Variants in ASXL2 observed in about 807,000 individuals in gnomAD.
ASXL2 encodes the protein putative Polycomb group protein ASXL2.
A neutral mutation model predicts 122.0 loss-of-function variants in ASXL2; 23 were observed. The observed-to-expected ratio is 0.19, with a 90% CI of 0.14 to 0.27. The LOEUF (loss-of-function observed/expected upper bound fraction) is 0.27. Among genes scored for constraint, ASXL2 ranks in the 10% least tolerant of loss-of-function variants. ASXL2 has a pLI of 1.00. For synonymous variants in ASXL2, 650 were observed against 637.0 expected, an observed-to-expected ratio of 1.02 and a Z score of -0.31; for missense variants, 1,518 against 1,713.8, an observed-to-expected ratio of 0.89 and a Z score of 2.02.
chr2:25,817,912 G>A (rs751374002), intron 3 of ASXL2, among the ~76,000 whole-genome samples: 2 of 152,158 alleles, frequency 1.3e-5, no homozygotes, highest in Non-Finnish European at 2.9e-5. Context: ...AGCCAAAGAT[G>A]AAGCTGAGAA....
chr2:25,848,351 G>A (rs759258443), intron 1 of ASXL2, among the ~76,000 whole-genome samples: 65 of 152,068 alleles, frequency 4.3e-4, no homozygotes, highest in Non-Finnish European at 8.8e-4. Flanking sequence ...GGCTGGGCGC[G>A]GTGGCTCACA....
chr2:25,846,154 G>C (rs1460798280), intron 1 of ASXL2, among the ~76,000 whole-genome samples: 1 of 152,220 alleles, frequency 6.6e-6, no homozygotes, highest in Non-Finnish European at 1.5e-5. Context: ...AGTGCTCCAA[G>C]AGAAAAATAT....
chr2:25,817,786 G>C (rs550004320), intron 3 of ASXL2, among the ~76,000 whole-genome samples: 6 of 152,134 alleles, frequency 3.9e-5, no homozygotes, highest in Non-Finnish European at 8.8e-5. Flanking sequence ...ACACTGAATA[G>C]CAAGGTACTT....
At chr2:25,748,269 A>G (rs1372535165) in intron 12 of ASXL2, among the ~76,000 whole-genome samples, 1 of 151,550 alleles carries the variant, frequency 6.6e-6, no homozygotes, top group Non-Finnish European at 1.5e-5. Flanking sequence ...GAGGCAGAGG[A>G]GGGCAGATGA....
chr2:25,857,226 C>T (rs1284701053), intron 1 of ASXL2, among the ~76,000 whole-genome samples: 1 of 151,888 alleles, frequency 6.6e-6, no homozygotes, highest in East Asian at 1.9e-4. Flanking sequence ...AAAGAGAACA[C>T]AGAGAAAAAG....
intron 2 of ASXL2, among the ~76,000 whole-genome samples, chr2:25,842,907 C>T (rs1202928843): frequency 1.3e-5 from 2 of 151,348 alleles, no homozygotes; most frequent in African/African-American, 2.4e-5. Flanking sequence ...CTGCAACCTC[C>T]ACCTCCCAGG....
intron 10 of ASXL2, among the ~76,000 whole-genome samples, chr2:25,754,344 G>C (rs139306539): frequency 4.6e-5 from 7 of 152,316 alleles, no homozygotes; most frequent in Admixed American, 1.3e-4. Context: ...TTGTGGCTCA[G>C]ATAGACTGCT....
intron 3 of ASXL2, among the ~76,000 whole-genome samples, chr2:25,808,251 GACAGACTGAGGAGTGAC>G (rs1474207016): frequency 1.3e-5 from 2 of 152,190 alleles, no homozygotes; most frequent in African/African-American, 4.8e-5. Context: ...CAACATACAA[GACAGACTGAGGAGTGAC>G]ACAGTATGAA....
Position 25,790,587 on chromosome 2 carries a change from C to T in ASXL2, c.403+8798G>A, listed in dbSNP as rs535664785. 2.0e-5 allele frequency among the ~76,000 whole-genome samples: 3 copies of T among 152,122 alleles called. No homozygotes were observed. In the South Asian group the frequency reaches 6.2e-4, roughly 32 times the overall value. On this transcript the variant is annotated intron_variant, in intron 5 of 12. Transcript: ENST00000435504. ...GAAACCAATTAATGTCACCAATTAACGTCATCCTACACCAAGGAAGTATTC... is the reference window on the plus strand; with the variant it reads ...GAAACCAATTAATGTCACCAATTAATGTCATCCTACACCAAGGAAGTATTC...
intron 8 of ASXL2, among the ~76,000 whole-genome samples, chr2:25,765,381 G>A (rs369276972): frequency 2.0e-3 from 308 of 152,120 alleles, no homozygotes; most frequent in African/African-American, 7.0e-3. Context: ...AGCTACCCAG[G>A]AGGCTGAGGC....
intron 3 of ASXL2, among the ~76,000 whole-genome samples, chr2:25,809,331 T>C (rs575933725): frequency 6.6e-6 from 1 of 152,236 alleles, no homozygotes; most frequent in Admixed American, 6.5e-5. Context: ...TCCAAAGATA[T>C]CTTAAAGCTG....
chr2:25,763,107 C>T (rs1017172174), intron 8 of ASXL2, among the ~76,000 whole-genome samples: 5 of 151,936 alleles, frequency 3.3e-5, no homozygotes, highest in Admixed American at 6.6e-5. Context: ...CTGGACAAAC[C>T]CACCATTTGG....
intron 3 of ASXL2, chr2:25,810,208 A>G: frequency 1.7e-6 from 1 of 594,772 alleles, no homozygotes. Context: ...ATCTCTCGGC[A>G]ATGGGACACT....
rs552316898 is a variant in ASXL2 at position 25,735,939 on chromosome 2, G to A, written c.*6090C>T. ...AATTTTCAACCTATCTTGGGAAAAA[G>A]GTAGTATTACTCCTTGAGCCTAGAA... On this transcript the variant is annotated 3_prime_UTR_variant, in exon 13 of 13. Coordinates refer to ENST00000435504, the MANE Select transcript of ASXL2 (RefSeq NM_018263.6). 1 of 152,228 alleles carries A rather than the reference G, an allele frequency of 6.6e-6. No individual in the cohort carries two copies. Among genetic ancestry groups the A allele is most frequent in the East Asian group, 1.9e-4 (1 of 5,188 alleles). The allele number at this position is 152,228 out of a possible 1,614,324, so 9.4% of individuals were successfully genotyped here.
intron 1 of ASXL2, among the ~76,000 whole-genome samples, chr2:25,877,464 C>A (rs1312172319): frequency 6.6e-6 from 1 of 152,118 alleles, no homozygotes; most frequent in East Asian, 1.9e-4. Context: ...GGGCACCATC[C>A]CTTTGGCTAG....
Position 25,742,626 on chromosome 2 carries a change from C to A in ASXL2, c.3711G>T (p.Leu1237Phe). The part of the protein sequence containing the change: ...ASKNVKAEIP[L>F]NEQTTLSKEN... Reference sequence around the variant, plus strand: ...CCTTACTTAAAGTGGTTTGCTCATTCAATGGTATCTCAGCCTTCACATTCT... The same window carrying A: ...CCTTACTTAAAGTGGTTTGCTCATTAAATGGTATCTCAGCCTTCACATTCT... The change falls in exon 13 of 13, where the codon TTG (leucine) becomes TTT (phenylalanine). Residue 1237 changes from leucine to phenylalanine, a missense_variant. Physicochemically the swap from Leu to Phe is conservative, Grantham distance 22 (BLOSUM62 0). Transcript: ENST00000435504. The A allele has an allele frequency of 6.2e-7, 1 of 1,613,960 alleles. No homozygotes were observed. The highest frequency in any genetic ancestry group is 8.5e-7 in the Non-Finnish European group (1 of 1,179,898).
rs1226373033 is a variant in ASXL2 at position 25,742,330 on chromosome 2, G to A, written c.4007C>T (p.Ser1336Leu). ...AGCAGAGTTATGGTCCATGTCAGAT[G>A]AGGTGGAGACATTGATCATGCCTCT... The part of the protein sequence containing the change: ...SYRGMINVST[S>L]SDMDHNSAVP... The change falls in exon 13 of 13, where the codon TCA (serine) becomes TTA (leucine). Residue 1336 changes from serine (S) to leucine (L), a missense_variant. Ser to Leu is a moderately radical substitution (Grantham distance 145, BLOSUM62 -2). Coordinates refer to ENST00000435504, the MANE Select transcript of ASXL2 (RefSeq NM_018263.6). 3 of 1,613,464 alleles carry A rather than the reference G, an allele frequency of 1.9e-6. No homozygotes were observed. The highest frequency in any genetic ancestry group is 2.2e-5 in the South Asian group (2 of 91,038).
chr2:25,743,205 C>T lies in ASXL2; in HGVS notation c.3132G>A (p.Leu1044=), dbSNP rs2087866943. 1 of 1,613,798 alleles carries T rather than the reference C, an allele frequency of 6.2e-7. No homozygotes were observed. ...GGTGTGTGTCAATGCTGGAGTCCCT[C>T]AGCTCCTTAGCTGAAAAGAGCTGAA... ...RPLQLFSAKE[L]RDSSIDTHQY... The change falls in exon 13 of 13, where the codon CTG becomes CTA. Residue 1044 remains leucine (L), a synonymous_variant. Coordinates refer to ENST00000435504, the MANE Select transcript of ASXL2 (RefSeq NM_018263.6).
In ASXL2 at chr2:25,744,086, G is replaced by C. The variant is rs773343381; in HGVS notation, c.2251C>G (p.Gln751Glu). The change falls in exon 13 of 13, where the codon CAG (glutamine) becomes GAG (glutamate). Residue 751 changes from glutamine (Q) to glutamate (E), a missense_variant. Physicochemically the swap from Gln to Glu is conservative, Grantham distance 29 (BLOSUM62 2). Around this residue, in one of 8 missense-constraint regions of ASXL2, gnomAD observed 831 missense variants for 833.1 expected, o/e 1.00. Transcript: ENST00000435504. The surrounding 1 kb of genome is among the most constrained non-coding windows in gnomAD (Gnocchi z 4.7). ...RELLPCGPETQPQSETKTTPS... is the reference protein window; with the variant it reads ...RELLPCGPETEPQSETKTTPS... ...GTGGTCTTGGTCTCAGACTGGGGCTGAGTCTCTGGACCACAGGGTAAAAGC... is the reference window on the plus strand; with the variant it reads ...GTGGTCTTGGTCTCAGACTGGGGCTCAGTCTCTGGACCACAGGGTAAAAGC... The C allele has an allele frequency of 1.9e-6, 3 of 1,613,976 alleles. No homozygotes were observed. Among genetic ancestry groups the C allele is most frequent in the South Asian group, 2.2e-5 (2 of 91,076 alleles).
Sources: gnomAD v4.1 joint callset for allele counts (sites outside exome capture counted in the v4.1 genomes callset) on GRCh38, gnomAD v4.1.1 for gene constraint, gnomAD v4.1.1 regional missense constraint, Gnocchi (gnomAD v3.1) non-coding constraint, MANE v1.5 for transcripts, NCBI Gene and HGNC (gene_info 2026-07-23, HGNC 2026-07-21) for gene names.